The following FAM222B variants were observed in gnomAD, a reference collection of about 807,000 sequenced individuals.
FAM222B encodes the protein protein FAM222B.
In FAM222B, 12 loss-of-function variants were observed where a neutral mutation model predicts 38.0. The ratio of observed to expected loss-of-function variants is 0.32; its 90% CI spans 0.20 to 0.51. FAM222B has a LOEUF of 0.51. Among genes scored for constraint, FAM222B ranks in the 20% least tolerant of loss-of-function variants. The probability of loss-of-function intolerance (pLI) is 0.97; values close to 1 mark genes in which losing one functional copy is unlikely to be tolerated. For missense variants in FAM222B, 716 were observed against 754.2 expected (o/e 0.95, Z 0.59); for synonymous variants, 329 against 317.2 (o/e 1.04, Z -0.40).
At chr17:28,766,864 G>C in intron 1 of FAM222B, 157 bp from the exon 2 acceptor site, 1 of 546,228 alleles carries the variant, frequency 1.8e-6, no homozygotes, top group South Asian at 2.4e-5. Flanking sequence ...ATCTTTATCT[G>C]TGACGACAAT....
At chr17:28,809,991 TTTTG>T (rs1030573262) in intron 1 of FAM222B, among the ~76,000 whole-genome samples, 7 of 151,846 alleles carry the variant, frequency 4.6e-5, no homozygotes, top group Admixed American at 2.6e-4. Flanking sequence ...ACTGGTTTTT[TTTTG>T]TTTTTGTTTT....
chr17:28,848,647 A>C (rs1393784395), intron 1 of FAM222B, among the ~76,000 whole-genome samples: 3 of 151,932 alleles, frequency 2.0e-5, no homozygotes, highest in Non-Finnish European at 1.5e-5. Context: ...AATCCCAGCT[A>C]CTTGGGAGGC....
chr17:28,777,728 A>G (rs2151827559), intron 1 of FAM222B, among the ~76,000 whole-genome samples: 1 of 152,244 alleles, frequency 6.6e-6, no homozygotes, highest in Middle Eastern at 3.4e-3. Context: ...GTGTGTGTGT[A>G]CAGGTAACTT....
At chr17:28,811,530 GA>G (rs2037766692) in intron 1 of FAM222B, among the ~76,000 whole-genome samples, 1 of 152,152 alleles carries the variant, frequency 6.6e-6, no homozygotes, top group Non-Finnish European at 1.5e-5. Flanking sequence ...TTTGACGATA[GA>G]AACTACTCCC....
At position 28,759,598 on chromosome 17, in the gene FAM222B, C is replaced by A. The variant is rs755710267; in HGVS notation, c.361G>T (p.Ala121Ser). 3 of 1,612,564 alleles carry A rather than the reference C, an allele frequency of 1.9e-6. No homozygotes were observed. Among genetic ancestry groups the A allele is most frequent in the Non-Finnish European group, 2.5e-6 (3 of 1,179,336 alleles). ...SILKDFDGTR[A>S]RLLPEAIMNP... is the part of the protein sequence containing the mutation. ...ATGATGGCCTCAGGGAGCAACCGGG[C>A]TCGGGTGCCGTCAAAGTCCTTGAGT... The change falls in exon 3 of 3, where the codon GCC becomes TCC. Residue 121 changes from alanine (A) to serine (S), a missense_variant. Transcript: ENST00000581407. This position sits in a 1 kb window ranked among gnomAD's most constrained non-coding sequence, Gnocchi z 4.8.
chr17:28,849,910 C>T (rs891952731), intron 1 of FAM222B, among the ~76,000 whole-genome samples: 5 of 151,934 alleles, frequency 3.3e-5, no homozygotes, highest in Admixed American at 2.0e-4. Flanking sequence ...GGAGAAACCC[C>T]GTCTCTACTA....
intron 1 of FAM222B, among the ~76,000 whole-genome samples, chr17:28,816,626 C>T (rs1342124773): frequency 1.3e-5 from 2 of 150,890 alleles, no homozygotes; most frequent in Admixed American, 1.3e-4. Flanking sequence ...CCCAGTAGAA[C>T]GGAATAAAAA....
upstream of FAM222B, among the ~76,000 whole-genome samples, chr17:28,847,079 C>T (rs530592161): frequency 2.0e-5 from 3 of 151,224 alleles, no homozygotes; most frequent in African/African-American, 4.9e-5. Flanking sequence ...CCAAATTAGC[C>T]GGGCATGGTG....
chr17:28,764,475 G>T (rs1302013578), intron 2 of FAM222B, among the ~76,000 whole-genome samples: 3 of 151,914 alleles, frequency 2.0e-5, no homozygotes, highest in South Asian at 2.1e-4. Context: ...TGGGCTGGGT[G>T]TGGTGGCTCA....
At chr17:28,775,603 T>C (rs972906168) in intron 1 of FAM222B, among the ~76,000 whole-genome samples, 1 of 151,966 alleles carries the variant, frequency 6.6e-6, no homozygotes, top group Non-Finnish European at 1.5e-5. Flanking sequence ...TTGGAGGTCA[T>C]GCGTGGTGGC....
At chr17:28,833,434 T>C (rs1567900679) in intron 1 of FAM222B, among the ~76,000 whole-genome samples, 1 of 150,662 alleles carries the variant, frequency 6.6e-6, no homozygotes, top group Non-Finnish European at 1.5e-5. Context: ...CTGGCCAACA[T>C]GGTGAAACCC....
chr17:28,828,904 CT>C (rs879920718), intron 1 of FAM222B, among the ~76,000 whole-genome samples: 475 of 144,070 alleles, frequency 3.3e-3, no homozygotes, highest in Middle Eastern at 0.011. Context: ...CAACTCTCTA[CT>C]TTTTTTTTTT....
At chr17:28,853,438 A>G (rs538476893) in intron 1 of FAM222B, among the ~76,000 whole-genome samples, 1 of 152,234 alleles carries the variant, frequency 6.6e-6, no homozygotes, top group Non-Finnish European at 1.5e-5. Flanking sequence ...GTGTCTTCCC[A>G]GGGAATTTAG....
chr17:28,851,661 G>A (rs899217446), intron 1 of FAM222B, among the ~76,000 whole-genome samples: 1 of 150,952 alleles, frequency 6.6e-6, no homozygotes, highest in African/African-American at 2.4e-5. Context: ...GCAGATCACC[G>A]GGTCAGGAGT....
rs531593568 is a variant in FAM222B, at chr17:28,820,494, T to C, written c.-41+22188A>G. 9.9e-4 allele frequency among the ~76,000 whole-genome samples: 151 copies of C among 152,182 alleles called. 1 individual carries two copies. Among genetic ancestry groups the C allele is most frequent in the Non-Finnish European group, 1.6e-3 (111 of 68,028 alleles). On this transcript the variant is annotated intron_variant, in intron 1 of 2. Coordinates refer to ENST00000581407, the MANE Select transcript of FAM222B (RefSeq NM_001077498.3). ...ATGTTTTTTCAGTGTCTTTTGTGTG[T>C]GAGTGTTTCTATTGATTGGCTGTGA...
intron 1 of FAM222B, among the ~76,000 whole-genome samples, chr17:28,830,405 C>G (rs1016490691): frequency 6.6e-6 from 1 of 152,014 alleles, no homozygotes; most frequent in African/African-American, 2.4e-5. Flanking sequence ...CGTGATCCAG[C>G]TGCCTCGGTC....
chr17:28,766,702 C>G lies in FAM222B; in HGVS notation c.-35G>C. On this transcript the variant is annotated 5_prime_UTR_variant, in exon 2 of 3. Coordinates refer to ENST00000581407, the MANE Select transcript of FAM222B (RefSeq NM_001077498.3). ...GCATCAACACAACATGGGGCAGTGGCTCACACTGTAATGAACAAAAACAAG... is the reference window on the plus strand; with the variant it reads ...GCATCAACACAACATGGGGCAGTGGGTCACACTGTAATGAACAAAAACAAG... 1.3e-6 allele frequency: 2 copies of G among 1,530,360 alleles called. No individual in the cohort carries two copies. The highest frequency in any genetic ancestry group is 1.8e-6 in the Non-Finnish European group (2 of 1,118,276). The allele number at this position is 1,530,360 out of a possible 1,614,324, so 94.8% of individuals were successfully genotyped here.
chr17:28,770,464 G>A (rs943216061), intron 1 of FAM222B, among the ~76,000 whole-genome samples: 6 of 152,104 alleles, frequency 3.9e-5, no homozygotes, highest in Admixed American at 6.6e-5. Context: ...GTGCAGCAGT[G>A]CCATCTTGGC....
intron 1 of FAM222B, among the ~76,000 whole-genome samples, chr17:28,786,391 C>A (rs950147494): frequency 2.0e-5 from 3 of 152,124 alleles, no homozygotes; most frequent in African/African-American, 7.2e-5. Context: ...TTTATTCCCC[C>A]AGGGGAGAGC....
Sources: allele counts gnomAD v4.1 joint callset (sites outside exome capture counted in the v4.1 genomes callset), GRCh38; gene constraint gnomAD v4.1.1; non-coding constraint Gnocchi (gnomAD v3.1); transcripts MANE v1.5; gene names NCBI Gene and HGNC (gene_info 2026-07-23, HGNC 2026-07-21).